Variants in EFCAB13 observed in about 807,000 individuals in gnomAD.
EFCAB13 encodes the protein EF-hand calcium binding domain 13.
In EFCAB13, 91 loss-of-function variants were observed where a neutral mutation model predicts 110.2. The observed-to-expected ratio is 0.83, with a 90% confidence interval of 0.70 to 0.98. The LOEUF (loss-of-function observed/expected upper bound fraction) is 0.98, where lower values mean the gene tolerates loss of function less well. Among genes scored for constraint, EFCAB13 ranks in the 50% least tolerant of loss-of-function variants. EFCAB13 has a pLI of 0.00. For missense variants in EFCAB13, 968 were observed against 1,119.4 expected (o/e 0.86, Z 1.93); for synonymous variants, 323 against 369.9 (o/e 0.87, Z 1.45).
chr17:47,414,746 C>G, intron 22 of EFCAB13, 102 bp from the exon 23 acceptor site: 1 of 743,818 alleles, frequency 1.3e-6, no homozygotes, highest in Non-Finnish European at 2.3e-6. Flanking sequence ...GAAAAGTGAG[C>G]TAGAGTGAAA....
intron 23 of EFCAB13, among the ~76,000 whole-genome samples, chr17:47,420,571 G>A (rs1904630776): frequency 1.3e-5 from 2 of 152,058 alleles, no homozygotes; most frequent in Admixed American, 6.5e-5. Flanking sequence ...CCCATCGTCT[G>A]AGATGTGGGG....
At chr17:47,423,847 T>C (rs1427684484) in intron 23 of EFCAB13, among the ~76,000 whole-genome samples, 1 of 151,712 alleles carries the variant, frequency 6.6e-6, no homozygotes, top group East Asian at 1.9e-4. Flanking sequence ...CTGGGCTCCG[T>C]GTAGACCTAG....
chr17:47,335,085 G>A (rs1185469480), intron 4 of EFCAB13, 111 bp from the exon 5 acceptor site: 8 of 1,198,600 alleles, frequency 6.7e-6, no homozygotes, highest in Non-Finnish European at 9.1e-6. Context: ...CTCTTCGGTA[G>A]CACTATTTGA....
intron 4 of EFCAB13, among the ~76,000 whole-genome samples, chr17:47,331,232 T>C (rs763585963): frequency 1.3e-5 from 2 of 152,184 alleles, no homozygotes; most frequent in Non-Finnish European, 2.9e-5. Flanking sequence ...GTCTGTTTAC[T>C]GTGTTGATTA....
At chr17:47,333,665 C>T (rs1321766052) in intron 4 of EFCAB13, among the ~76,000 whole-genome samples, 1 of 152,148 alleles carries the variant, frequency 6.6e-6, no homozygotes, top group African/African-American at 2.4e-5. Flanking sequence ...ATCCAGTTTT[C>T]CCAATGCCAT....
intron 21 of EFCAB13, among the ~76,000 whole-genome samples, chr17:47,411,690 C>T (rs2065836096): frequency 6.6e-6 from 1 of 152,156 alleles, no homozygotes; most frequent in Non-Finnish European, 1.5e-5. Flanking sequence ...TCCAAGTGAT[C>T]TCCATGAAGG....
At chr17:47,352,332 CATTT>C (rs1465608874) in intron 9 of EFCAB13, among the ~76,000 whole-genome samples, 2 of 151,986 alleles carry the variant, frequency 1.3e-5, no homozygotes, top group African/African-American at 2.4e-5. Flanking sequence ...TTCCCTTTAC[CATTT>C]ATTGAAAAGA....
intron 9 of EFCAB13, among the ~76,000 whole-genome samples, chr17:47,358,562 T>C (rs2065493441): frequency 6.6e-6 from 1 of 152,222 alleles, no homozygotes; most frequent in Non-Finnish European, 1.5e-5. Flanking sequence ...TTCTGGCTAT[T>C]AATCCTTTGT....
intron 17 of EFCAB13, among the ~76,000 whole-genome samples, chr17:47,400,848 T>C (rs999755293): frequency 6.6e-6 from 1 of 152,222 alleles, no homozygotes; most frequent in Non-Finnish European, 1.5e-5. Context: ...CTACTGTAAA[T>C]TGAAGACACT....
chr17:47,349,995 C>T (rs1476578641), intron 9 of EFCAB13, among the ~76,000 whole-genome samples: 2 of 151,658 alleles, frequency 1.3e-5, no homozygotes, highest in Admixed American at 1.3e-4. Flanking sequence ...AGGATGGTCT[C>T]GATCTCTTGA....
chr17:47,425,555 A>G (rs185893373), intron 23 of EFCAB13, among the ~76,000 whole-genome samples: 6 of 152,314 alleles, frequency 3.9e-5, no homozygotes, highest in Non-Finnish European at 2.9e-5. Context: ...TTACATTTCA[A>G]CACATATTTC....
At chr17:47,419,012 C>T (rs1485765585) in intron 23 of EFCAB13, among the ~76,000 whole-genome samples, 1 of 152,040 alleles carries the variant, frequency 6.6e-6, no homozygotes, top group Non-Finnish European at 1.5e-5. Context: ...CTAGAATTAC[C>T]CGTAAAGCTG....
intron 17 of EFCAB13, among the ~76,000 whole-genome samples, chr17:47,399,048 A>G (rs1186649845): frequency 3.9e-5 from 6 of 152,060 alleles, no homozygotes; most frequent in Admixed American, 6.5e-5. Context: ...TCAGCCTCCC[A>G]AGTAGCTGGG....
chr17:47,389,723 C>T (rs1050479233), intron 14 of EFCAB13, among the ~76,000 whole-genome samples: 48 of 152,054 alleles, frequency 3.2e-4, no homozygotes, highest in African/African-American at 8.7e-4. Context: ...TTCTGCATTC[C>T]ATGTGGTATT....
intron 23 of EFCAB13, among the ~76,000 whole-genome samples, chr17:47,416,404 T>G: frequency 6.6e-6 from 1 of 152,230 alleles, no homozygotes; most frequent in East Asian, 1.9e-4. Context: ...TAACTTCTTT[T>G]ATACAGCATA....
At chr17:47,337,155 A>G (rs1043223600) in intron 5 of EFCAB13, among the ~76,000 whole-genome samples, 1 of 152,226 alleles carries the variant, frequency 6.6e-6, no homozygotes, top group Non-Finnish European at 1.5e-5. Flanking sequence ...CTAGGAAGAA[A>G]AGGAAGGTCG....
At chr17:47,385,213 C>T (rs1478263540) in intron 14 of EFCAB13, among the ~76,000 whole-genome samples, 1 of 152,066 alleles carries the variant, frequency 6.6e-6, no homozygotes, top group Non-Finnish European at 1.5e-5. Flanking sequence ...GGGAAGTTCT[C>T]CCAGATAATA....
chr17:47,398,084 G>C (rs867845741), intron 17 of EFCAB13, among the ~76,000 whole-genome samples: 2 of 146,490 alleles, frequency 1.4e-5, no homozygotes, highest in Non-Finnish European at 3.0e-5. Context: ...CCCGCCGCCC[G>C]GCCAGCCGCC....
At chr17:47,348,873 C>T (rs2065432716) in intron 9 of EFCAB13, among the ~76,000 whole-genome samples, 1 of 151,952 alleles carries the variant, frequency 6.6e-6, no homozygotes, top group Non-Finnish European at 1.5e-5. Context: ...TTTTTATTCT[C>T]TTAAGAATGT....
Sources: gnomAD v4.1 joint callset for allele counts (sites outside exome capture counted in the v4.1 genomes callset) on GRCh38, gnomAD v4.1.1 for gene constraint, MANE v1.5 for transcripts, NCBI Gene and HGNC (gene_info 2026-07-23, HGNC 2026-07-21) for gene names.